The following DIDO1 variants were observed in gnomAD, a reference collection of about 807,000 sequenced individuals.
DIDO1 encodes death-inducer obliterator 1.
DIDO1 carries 16 observed loss-of-function variants against 99.4 expected under a neutral mutation model. That is an observed-to-expected ratio of 0.16 (90% CI 0.11 to 0.24). The LOEUF (loss-of-function observed/expected upper bound fraction) is 0.24, where lower values mean the gene tolerates loss of function less well. Among genes scored for constraint, DIDO1 ranks in the 10% least tolerant of loss-of-function variants. The pLI, the probability that DIDO1 is intolerant of heterozygous loss-of-function variation, is 1.00. For missense variants in DIDO1, 2,996 were observed against 3,014.0 expected (o/e 0.99, Z 0.14); for synonymous variants, 1,366 against 1,239.1 (o/e 1.10, Z -2.15).
chr20:62,929,149 T>G (rs1317235309), upstream of DIDO1: 1 of 152,262 alleles, frequency 6.6e-6, no homozygotes, highest in Non-Finnish European at 1.5e-5. Flanking sequence ...CAGCGCTTCC[T>G]GATTCCGCAC....
intron 1 of DIDO1, among the ~76,000 whole-genome samples, chr20:62,936,067 TA>T (rs974586184): frequency 6.6e-6 from 1 of 152,228 alleles, no homozygotes; most frequent in Non-Finnish European, 1.5e-5. Context: ...AATGTCGCCT[TA>T]AGGCGCTAGC....
In DIDO1 at chr20:62,880,307, G is replaced by C; in HGVS notation, c.5649C>G (p.Gly1883=). ...GGCCTCCGAACTGGAAAGGCGCGCC[G>C]CCTCTGCTTCCCAGAAATGGGGCTT... The part of the protein sequence containing the change: ...TEQAPFLGSR[G]GAPFQFGGQR... Residue 1883 remains glycine, a synonymous_variant, in exon 16 of 16, where the codon GGC becomes GGG. Coordinates refer to ENST00000395343, the MANE Select transcript of DIDO1 (RefSeq NM_001193369.2). 1 of 1,612,816 alleles carries C rather than the reference G, an allele frequency of 6.2e-7. No homozygotes were observed. The highest frequency in any genetic ancestry group is 8.5e-7 in the Non-Finnish European group (1 of 1,180,006).
At position 62,879,702 on chromosome 20, in the gene DIDO1, C is replaced by T. The variant is rs778680529; in HGVS notation, c.6254G>A (p.Gly2085Glu). Reference protein sequence around the residue: ...GHEYRNQTFEGRQRERFDVGP... With the variant: ...GHEYRNQTFEERQRERFDVGP... The stretch of plus-strand genomic sequence containing the variant: ...CACGTCAAACCGCTCTCTCTGCCTC[C>T]CTTCGAAAGTCTGGTTTCTGTATTC... The change falls in exon 16 of 16, where the codon GGG becomes GAG. Residue 2085 changes from glycine (G) to glutamate (E), a missense_variant. Coordinates refer to ENST00000395343, the MANE Select transcript of DIDO1 (RefSeq NM_001193369.2). This position sits in a 1 kb window ranked among gnomAD's most constrained non-coding sequence, Gnocchi z 6.3. 2 of 1,611,302 alleles carry T rather than the reference C, an allele frequency of 1.2e-6. No homozygotes were observed. The highest frequency in any genetic ancestry group is 4.5e-5 in the East Asian group (2 of 44,844).
chr20:62,918,139 G>A (rs1416460212), intron 1 of DIDO1, among the ~76,000 whole-genome samples: 1 of 152,194 alleles, frequency 6.6e-6, no homozygotes, highest in Non-Finnish European at 1.5e-5. Flanking sequence ...AGCCAAAAGT[G>A]AAATTTCTTA....
intron 15 of DIDO1, chr20:62,890,519 ATTG>A (rs2064375289): frequency 3.0e-6 from 3 of 997,072 alleles, no homozygotes; most frequent in Non-Finnish European, 3.6e-6. Flanking sequence ...CTATGTCATT[ATTG>A]TTAAGTCTCC....
intron 2 of DIDO1, among the ~76,000 whole-genome samples, chr20:62,912,300 T>G (rs182463149): frequency 5.4e-4 from 83 of 152,368 alleles, no homozygotes; most frequent in Non-Finnish European, 6.8e-4. Flanking sequence ...GCCTAACTCC[T>G]GACCCAACAG....
intron 1 of DIDO1, among the ~76,000 whole-genome samples, chr20:62,920,359 T>A (rs1484108097): frequency 1.3e-5 from 2 of 152,200 alleles, no homozygotes; most frequent in Non-Finnish European, 2.9e-5. Flanking sequence ...AAGCACAGCC[T>A]ACTCTTGCCT....
At chr20:62,897,220 G>T (rs1353874777) in intron 6 of DIDO1, among the ~76,000 whole-genome samples, 1 of 152,212 alleles carries the variant, frequency 6.6e-6, no homozygotes, top group Non-Finnish European at 1.5e-5. Context: ...TCAGAAAGAA[G>T]AATGCTTTAT....
Position 62,906,614 on chromosome 20 carries a change from C to T in DIDO1, c.1375-514G>A, listed in dbSNP as rs59552843. Among the ~76,000 whole-genome samples the T allele has an allele frequency of 2.6e-3, 400 of 152,330 alleles. 1 individual carries two copies. Among genetic ancestry groups the T allele is most frequent in the African/African-American group, 9.2e-3 (381 of 41,578 alleles). ...AGTGCTAGTTGCGCTTTGCTGGTCA[C>T]AAACATAACCGGGGCAGTGACACAG... On this transcript the variant is annotated intron_variant, in intron 5 of 15. Transcript: ENST00000395343.
chr20:62,901,988 G>A (rs982948560), intron 6 of DIDO1, among the ~76,000 whole-genome samples: 3 of 151,808 alleles, frequency 2.0e-5, no homozygotes, highest in Non-Finnish European at 4.4e-5. Context: ...TAGACTATGA[G>A]TAGATCCACA....
At chr20:62,898,100 C>T (rs1348384716) in intron 6 of DIDO1, among the ~76,000 whole-genome samples, 1 of 152,208 alleles carries the variant, frequency 6.6e-6, no homozygotes, top group African/African-American at 2.4e-5. Context: ...GACAGATGCT[C>T]CCAAGAGCGC....
rs995906797 is a variant in DIDO1 at position 62,880,898 on chromosome 20, C to T, written c.5058G>A (p.Pro1686=). The T allele has an allele frequency of 8.7e-6, 14 of 1,611,566 alleles. 1 individual carries two copies. Among genetic ancestry groups the T allele is most frequent in the East Asian group, 4.5e-5 (2 of 44,882 alleles). Residue 1686 remains proline, a synonymous_variant, in exon 16 of 16, where the codon CCG becomes CCA. Coordinates refer to ENST00000395343, the MANE Select transcript of DIDO1 (RefSeq NM_001193369.2). ...HDGERDPFTC[P]GFASQDKALG... ...GAGCCTTGTCCTGCGACGCGAACCC[C>T]GGGCAGGTGAAAGGGTCCCTCTCAC...
intron 6 of DIDO1, among the ~76,000 whole-genome samples, chr20:62,898,892 T>C (rs746593096): frequency 6.6e-6 from 1 of 152,238 alleles, no homozygotes; most frequent in African/African-American, 2.4e-5. Context: ...ACCTTAGTGT[T>C]TGAAAATCTG....
rs2064464067 is a variant in DIDO1, at chr20:62,894,185, G to A, written c.2582C>T (p.Pro861Leu). 1 of 1,613,082 alleles carries A rather than the reference G, an allele frequency of 6.2e-7. No individual in the cohort carries two copies. Among genetic ancestry groups the A allele is most frequent in the East Asian group, 2.2e-5 (1 of 44,858 alleles). ...LNCKICTGQV[P>L]SAEDEPAPKK... ...CGGAGCTGGCTCATCTTCTGCGGAG[G>A]GAACCTGGCCTGAAGAAGGCGAGGA... Residue 861 changes from proline to leucine, a missense_variant, in exon 12 of 16, where the codon CCC becomes CTC. This residue lies in a region of DIDO1 where 898 missense variants were observed against 972.7 expected (regional missense o/e 0.92). Transcript: ENST00000395343. The surrounding 1 kb of genome is among the most constrained non-coding windows in gnomAD (Gnocchi z 4.4).
At chr20:62,912,209 G>T (rs2064959004) in intron 2 of DIDO1, among the ~76,000 whole-genome samples, 1 of 152,218 alleles carries the variant, frequency 6.6e-6, no homozygotes, top group Non-Finnish European at 1.5e-5. Context: ...GGGCCAGGAA[G>T]GATGCTATCA....
chr20:62,936,490 G>C (rs1400962086), intron 1 of DIDO1, among the ~76,000 whole-genome samples: 3 of 151,456 alleles, frequency 2.0e-5, no homozygotes, highest in African/African-American at 7.3e-5. Flanking sequence ...AGGAGGCGGA[G>C]GTTGCAGTGA....
rs755408123 is a variant in DIDO1, at chr20:62,890,973, G to C, written c.3528C>G (p.Pro1176=). 1.2e-6 allele frequency: 2 copies of C among 1,613,966 alleles called. No individual in the cohort carries two copies. The highest frequency in any genetic ancestry group is 4.5e-5 in the East Asian group (2 of 44,890). ...GCCGGCGCTTACCTGGTCCCTCAAA[G>C]GGCAAGAGTTTGGATGGAACAGGGT... ...AQDPVPSKLL[P]FEGPGLESPR... The change falls in exon 15 of 16, where the codon CCC becomes CCG. Residue 1176 remains proline, a synonymous_variant. Coordinates refer to ENST00000395343, the MANE Select transcript of DIDO1 (RefSeq NM_001193369.2).
intron 1 of DIDO1, among the ~76,000 whole-genome samples, chr20:62,936,242 G>A (rs891806666): frequency 2.0e-5 from 3 of 152,050 alleles, no homozygotes; most frequent in South Asian, 2.1e-4. Flanking sequence ...GCAAGACCCC[G>A]TCTCTAAAAA....
Position 62,881,305 on chromosome 20 carries a change from C to A in DIDO1, c.4651G>T (p.Ala1551Ser). ...SADKPASLPP[A>S]SQASNHRDPR... is the part of the protein sequence containing the mutation. The stretch of plus-strand genomic sequence containing the variant: ...TCCCTGTGGTTTGACGCCTGGCTGG[C>A]GGGGGGCAGTGAGGCGGGCTTGTCT... The change falls in exon 16 of 16, where the codon GCC becomes TCC. Residue 1551 changes from alanine (A) to serine (S), a missense_variant. Ala to Ser is a moderately conservative substitution (Grantham distance 99, BLOSUM62 1). This residue lies in a region of DIDO1 where 1,562 missense variants were observed against 1,412.6 expected (regional missense o/e 1.11). Coordinates refer to ENST00000395343, the MANE Select transcript of DIDO1 (RefSeq NM_001193369.2). This position sits in a 1 kb window ranked among gnomAD's most constrained non-coding sequence, Gnocchi z 8.3. The A allele has an allele frequency of 6.2e-7, 1 of 1,604,730 alleles. No individual in the cohort carries two copies.
Sources: gnomAD v4.1 joint callset for allele counts (sites outside exome capture counted in the v4.1 genomes callset) on GRCh38, gnomAD v4.1.1 for gene constraint, gnomAD v4.1.1 regional missense constraint, Gnocchi (gnomAD v3.1) non-coding constraint, MANE v1.5 for transcripts, NCBI Gene and HGNC (gene_info 2026-07-23, HGNC 2026-07-21) for gene names.